The following ABCA13 variants were observed in gnomAD, a reference collection of about 807,000 sequenced individuals.
The protein encoded by ABCA13 is ATP binding cassette subfamily A member 13, also known as ATP-binding cassette sub-family A member 13.
In ABCA13, 476 loss-of-function variants were observed where a neutral mutation model predicts 478.7. The ratio of observed to expected loss-of-function variants is 0.99; its 90% CI spans 0.92 to 1.07. The LOEUF (loss-of-function observed/expected upper bound fraction) is 1.07. ABCA13 is among the 50% of genes least tolerant of loss of function. ABCA13 has a pLI of 0.00. For synonymous variants in ABCA13, 2,252 were observed against 2,158.9 expected (o/e 1.04, Z -1.20); for missense variants, 6,060 against 5,910.6 (o/e 1.03, Z -0.83).
At chr7:48,495,674 G>T (rs1830213603) in intron 48 of ABCA13, among the ~76,000 whole-genome samples, 1 of 152,056 alleles carries the variant, frequency 6.6e-6, no homozygotes, top group African/African-American at 2.4e-5. Context: ...TCTCCAAATT[G>T]TGGCTTTGTT....
At chr7:48,375,753 C>T (rs1281676871) in intron 34 of ABCA13, among the ~76,000 whole-genome samples, 1 of 151,922 alleles carries the variant, frequency 6.6e-6, no homozygotes, top group Non-Finnish European at 1.5e-5. Flanking sequence ...TTAAAATGTT[C>T]TTTTACAGAT....
chr7:48,499,217 T>G (rs1563355543), intron 48 of ABCA13, among the ~76,000 whole-genome samples: 1 of 152,208 alleles, frequency 6.6e-6, no homozygotes, highest in Non-Finnish European at 1.5e-5. Context: ...CAAAACGCCT[T>G]GTAGTCAGAA....
chr7:48,615,464 A>G, intron 59 of ABCA13, 87 bp downstream of exon 59: 2 of 1,194,360 alleles, frequency 1.7e-6, no homozygotes, highest in Non-Finnish European at 2.4e-6. Context: ...CTTTAGAGGC[A>G]AGTATGTTCC....
intron 55 of ABCA13, among the ~76,000 whole-genome samples, chr7:48,544,613 G>A (rs905726046): frequency 6.6e-6 from 1 of 151,886 alleles, no homozygotes; most frequent in Non-Finnish European, 1.5e-5. Context: ...AGGGATGGAA[G>A]CTCCATACCC....
intron 38 of ABCA13, among the ~76,000 whole-genome samples, chr7:48,402,222 G>T (rs1359932266): frequency 1.3e-5 from 2 of 152,174 alleles, no homozygotes; most frequent in African/African-American, 4.8e-5. Flanking sequence ...GGGGTTTGGG[G>T]TTGAACACAG....
intron 59 of ABCA13, among the ~76,000 whole-genome samples, chr7:48,623,609 C>T (rs2131602573): frequency 6.6e-6 from 1 of 152,228 alleles, no homozygotes; most frequent in Middle Eastern, 3.4e-3. Context: ...TGGGTGTTCC[C>T]AAAGTGGCTG....
At chr7:48,411,241 C>CTTTCTCTT (rs1819161696) in intron 40 of ABCA13, among the ~76,000 whole-genome samples, 1 of 115,642 alleles carries the variant, frequency 8.6e-6, no homozygotes, top group Non-Finnish European at 1.8e-5. Flanking sequence ...TTCTTTCTTT[C>CTTTCTCTT]TCTTTCTGTT....
chr7:48,368,911 T>C (rs1179228715), intron 32 of ABCA13, among the ~76,000 whole-genome samples: 1 of 151,794 alleles, frequency 6.6e-6, no homozygotes. Context: ...TTTCATGTAA[T>C]GACTTCAGGA....
intron 16 of ABCA13, among the ~76,000 whole-genome samples, chr7:48,271,043 C>T (rs559016576): frequency 6.6e-6 from 1 of 152,274 alleles, no homozygotes; most frequent in East Asian, 1.9e-4. Context: ...CTGTCCCAGC[C>T]CTCACTGAGA....
chr7:48,294,111 A>G (rs571234444), intron 20 of ABCA13, among the ~76,000 whole-genome samples: 13 of 152,102 alleles, frequency 8.5e-5, no homozygotes, highest in Admixed American at 5.9e-4. Flanking sequence ...TTTTAATAAT[A>G]TATATTTGAA....
At chr7:48,384,908 C>T (rs1814948047) in intron 35 of ABCA13, among the ~76,000 whole-genome samples, 1 of 152,136 alleles carries the variant, frequency 6.6e-6, no homozygotes, top group Non-Finnish European at 1.5e-5. Flanking sequence ...TATCTGTGTC[C>T]AAATTTTCTT....
At chr7:48,374,499 G>A in intron 34 of ABCA13, 83 bp downstream of exon 34, 2 of 1,278,824 alleles carry the variant, frequency 1.6e-6, no homozygotes, top group Non-Finnish European at 2.2e-6. Flanking sequence ...TGATCCAGTA[G>A]GAAGTCTTCA....
At chr7:48,267,016 T>A (rs1360129767) in intron 15 of ABCA13, among the ~76,000 whole-genome samples, 1 of 152,038 alleles carries the variant, frequency 6.6e-6, no homozygotes, top group Non-Finnish European at 1.5e-5. Context: ...ATTTCCAATT[T>A]AATTTCATTT....
chr7:48,234,242 C>T (rs781480444), intron 8 of ABCA13, 91 bp downstream of exon 8: 75 of 1,581,842 alleles, frequency 4.7e-5, no homozygotes, highest in South Asian at 6.7e-5. Flanking sequence ...GCGGGTGCCA[C>T]GGGAGAGGCA....
chr7:48,602,182 A>C (rs1002518731), intron 58 of ABCA13, among the ~76,000 whole-genome samples: 2 of 151,964 alleles, frequency 1.3e-5, no homozygotes, highest in African/African-American at 4.8e-5. Context: ...TTGCCTGTTC[A>C]CTCTGATGGT....
intron 20 of ABCA13, among the ~76,000 whole-genome samples, chr7:48,290,458 T>C (rs1490597621): frequency 1.3e-5 from 2 of 152,162 alleles, no homozygotes; most frequent in Non-Finnish European, 2.9e-5. Flanking sequence ...AATTTCAATC[T>C]CAACTTTGGC....
At chr7:48,478,894 C>T (rs982951909) in intron 45 of ABCA13, among the ~76,000 whole-genome samples, 5 of 151,302 alleles carry the variant, frequency 3.3e-5, no homozygotes, top group African/African-American at 4.9e-5. Flanking sequence ...TGAGCCCCAA[C>T]GTTACTATTT....
chr7:48,370,868 G>A (rs898971936), intron 32 of ABCA13, among the ~76,000 whole-genome samples: 1 of 152,048 alleles, frequency 6.6e-6, no homozygotes, highest in South Asian at 2.1e-4. Context: ...CAGAAGAAAA[G>A]AAATAACAAA....
intron 23 of ABCA13, among the ~76,000 whole-genome samples, chr7:48,299,914 T>C (rs1799914313): frequency 1.3e-5 from 2 of 152,234 alleles, no homozygotes; most frequent in African/African-American, 4.8e-5. Context: ...GTATGAATCA[T>C]TATGATCGCC....
Sources: gnomAD v4.1 joint callset for allele counts (sites outside exome capture counted in the v4.1 genomes callset) on GRCh38, gnomAD v4.1.1 for gene constraint, MANE v1.5 for transcripts, NCBI Gene and HGNC (gene_info 2026-07-23, HGNC 2026-07-21) for gene names.